The following MYO1B variants were observed in gnomAD, a reference collection of about 807,000 sequenced individuals.
MYO1B encodes unconventional myosin-Ib.
MYO1B carries 72 observed loss-of-function variants against 159.7 expected under a neutral mutation model. That is an observed-to-expected ratio of 0.45 (90% CI 0.37 to 0.55). MYO1B has a LOEUF of 0.55. MYO1B is among the 20% of genes least tolerant of loss of function. The probability of loss-of-function intolerance (pLI) is 0.00; values close to 1 mark genes in which losing one functional copy is unlikely to be tolerated. For missense variants in MYO1B, 1,062 were observed against 1,364.8 expected (o/e 0.78, Z 3.50); for synonymous variants, 468 against 473.8 (o/e 0.99, Z 0.16).
intron 30 of MYO1B, among the ~76,000 whole-genome samples, chr2:191,418,538 G>GGA (rs1005379226): frequency 1.5e-5 from 2 of 133,886 alleles, no homozygotes; most frequent in African/African-American, 5.7e-5. Flanking sequence ...TGCCAAGGCT[G>GGA]GAGTGCAGTG....
At chr2:191,328,161 G>A (rs1380607915) in intron 3 of MYO1B, among the ~76,000 whole-genome samples, 1 of 152,204 alleles carries the variant, frequency 6.6e-6, no homozygotes, top group Non-Finnish European at 1.5e-5. Flanking sequence ...TTGCAGGTCT[G>A]TGTTGAAGAT....
At chr2:191,254,265 T>G (rs1686300500) in intron 1 of MYO1B, among the ~76,000 whole-genome samples, 1 of 152,124 alleles carries the variant, frequency 6.6e-6, no homozygotes, top group Non-Finnish European at 1.5e-5. Context: ...CAGGCTGGAG[T>G]GCAGTGGCAT....
intron 21 of MYO1B, among the ~76,000 whole-genome samples, chr2:191,400,099 A>G (rs1696512303): frequency 6.6e-6 from 1 of 152,182 alleles, no homozygotes; most frequent in Non-Finnish European, 1.5e-5. Context: ...TTCATCCCAC[A>G]GATGTGTGCC....
At chr2:191,411,313 A>G (rs1486150965) in intron 27 of MYO1B, 141 bp downstream of exon 27, 2 of 560,812 alleles carry the variant, frequency 3.6e-6, no homozygotes, top group Non-Finnish European at 6.4e-6. Context: ...AATCAGCTTG[A>G]TGTAAACACA....
intron 1 of MYO1B, among the ~76,000 whole-genome samples, chr2:191,259,417 T>C (rs1382139208): frequency 1.3e-5 from 2 of 152,204 alleles, no homozygotes; most frequent in Non-Finnish European, 2.9e-5. Context: ...AATATTCTTT[T>C]CCAGGCTTTT....
intron 3 of MYO1B, among the ~76,000 whole-genome samples, chr2:191,319,752 C>T (rs901646618): frequency 1.2e-4 from 19 of 152,108 alleles, no homozygotes; most frequent in African/African-American, 4.6e-4. Context: ...AATCAGAGTA[C>T]TCCTTTGAAC....
chr2:191,296,948 T>G (rs975950298), intron 3 of MYO1B, among the ~76,000 whole-genome samples: 1 of 152,212 alleles, frequency 6.6e-6, no homozygotes, highest in African/African-American at 2.4e-5. Flanking sequence ...TAGAACCGGG[T>G]TATTCAACCC....
intron 3 of MYO1B, among the ~76,000 whole-genome samples, chr2:191,322,857 G>T (rs908179892): frequency 1.3e-5 from 2 of 152,166 alleles, no homozygotes; most frequent in African/African-American, 4.8e-5. Flanking sequence ...AGACCACAGA[G>T]TAAAGTGACA....
chr2:191,364,075 G>A, intron 10 of MYO1B, 83 bp from the exon 11 acceptor site: 1 of 1,306,074 alleles, frequency 7.7e-7, no homozygotes, highest in South Asian at 1.2e-5. Flanking sequence ...TTATGATTTA[G>A]AAAGAACATC....
chr2:191,312,140 T>C (rs1277780959), intron 3 of MYO1B, among the ~76,000 whole-genome samples: 5 of 152,232 alleles, frequency 3.3e-5, no homozygotes, highest in Non-Finnish European at 5.9e-5. Context: ...TGATCTTTAA[T>C]AGGACTCTTA....
At chr2:191,255,477 G>T (rs929212921) in intron 1 of MYO1B, among the ~76,000 whole-genome samples, 1 of 152,184 alleles carries the variant, frequency 6.6e-6, no homozygotes, top group African/African-American at 2.4e-5. Flanking sequence ...ATGAGTTGGT[G>T]TTAAAGAATG....
At chr2:191,340,897 T>A (rs534005880) in intron 4 of MYO1B, among the ~76,000 whole-genome samples, 26 of 152,142 alleles carry the variant, frequency 1.7e-4, no homozygotes, top group Middle Eastern at 6.8e-3. Flanking sequence ...GGCTTATTTT[T>A]GTATTTTAGA....
chr2:191,341,570 G>A lies in MYO1B; in HGVS notation c.451+5G>A. ...AGTCCAACCCGGTCCTGGAAGGTAG[G>A]ATGTGTTATGTTCATTAAGTCGGTG... On this transcript the variant is annotated splice_donor_5th_base_variant and intron_variant, in intron 5 of 30. Transcript: ENST00000392318. 1 of 1,609,450 alleles carries A rather than the reference G, an allele frequency of 6.2e-7. No individual in the cohort carries two copies. The highest frequency in any genetic ancestry group is 8.5e-7 in the Non-Finnish European group (1 of 1,176,172).
intron 3 of MYO1B, among the ~76,000 whole-genome samples, chr2:191,296,618 T>G (rs4853576): frequency 0.53 from 80,542 of 151,990 alleles, 22,084 homozygotes; most frequent in East Asian, 0.66. Flanking sequence ...TGATGGTGTT[T>G]GGGTAAAAGG....
intron 1 of MYO1B, chr2:191,248,006 G>A (rs1296912748): frequency 3.0e-6 from 3 of 985,440 alleles, no homozygotes; most frequent in Non-Finnish European, 3.6e-6. Flanking sequence ...AAGAGGGAGT[G>A]AGGTGAGTGG....
chr2:191,416,964 G>C (rs181180517), intron 30 of MYO1B, among the ~76,000 whole-genome samples: 2 of 152,290 alleles, frequency 1.3e-5, no homozygotes, highest in East Asian at 3.9e-4. Flanking sequence ...CAGATTTATT[G>C]TATCTATCTA....
chr2:191,319,141 T>G (rs898237243), intron 3 of MYO1B, among the ~76,000 whole-genome samples: 2 of 152,226 alleles, frequency 1.3e-5, no homozygotes, highest in Non-Finnish European at 2.9e-5. Context: ...TGAAGTCATT[T>G]TGTTATGCAG....
At chr2:191,325,865 A>G (rs2125907264) in intron 3 of MYO1B, among the ~76,000 whole-genome samples, 1 of 152,224 alleles carries the variant, frequency 6.6e-6, no homozygotes, top group African/African-American at 2.4e-5. Flanking sequence ...CCCCAAACCA[A>G]ACTTCTAAAA....
At chr2:191,350,588 A>C (rs1692847246) in intron 7 of MYO1B, among the ~76,000 whole-genome samples, 1 of 152,140 alleles carries the variant, frequency 6.6e-6, no homozygotes, top group African/African-American at 2.4e-5. Flanking sequence ...TATGATAAAA[A>C]AAATATAAAT....
Sources: gnomAD v4.1 joint callset for allele counts (sites outside exome capture counted in the v4.1 genomes callset) on GRCh38, gnomAD v4.1.1 for gene constraint, MANE v1.5 for transcripts, NCBI Gene and HGNC (gene_info 2026-07-23, HGNC 2026-07-21) for gene names.